Variants in ACTR3C observed in about 807,000 individuals in gnomAD.
ACTR3C encodes the protein actin related protein 3C, also known as actin-related protein 3C.
ACTR3C carries 18 observed loss-of-function variants against 26.3 expected under a neutral mutation model. The ratio of observed to expected loss-of-function variants is 0.68; its 90% CI spans 0.47 to 1.01. The LOEUF is 1.01. Ranked by LOEUF, ACTR3C falls within the 50% of genes least tolerant of loss-of-function variation. The pLI, the probability that ACTR3C is intolerant of heterozygous loss-of-function variation, is 0.00. For missense variants in ACTR3C, 184 were observed against 250.7 expected, an observed-to-expected ratio of 0.73 and a Z score of 1.80; for synonymous variants, 55 against 94.5, an observed-to-expected ratio of 0.58 and a Z score of 2.42.
chr7:150,295,287 A>T lies in ACTR3C; in HGVS notation c.10T>A (p.Ser4Thr), dbSNP rs781654428. Residue 4 changes from serine (S) to threonine (T), a missense_variant, in exon 2 of 8, where the codon TCA (serine) becomes ACA (threonine). Coordinates refer to ENST00000683684, the MANE Select transcript of ACTR3C (RefSeq NM_001164458.2). Reference sequence around the variant, plus strand: ...ATGTAGAGTCCTGGAACGTTAAATGATTCGAACATAATTTCTGCAAGATAC... The same window carrying T: ...ATGTAGAGTCCTGGAACGTTAAATGTTTCGAACATAATTTCTGCAAGATAC... MFE[S>T]FNVPGLYIAV... 6.2e-7 allele frequency: 1 copy of T among 1,614,040 alleles called. No homozygotes were observed. The highest frequency in any genetic ancestry group is 1.1e-5 in the South Asian group (1 of 91,078).
At chr7:150,122,649 A>C in the ACTR3C span, among the ~76,000 whole-genome samples, 2 of 152,242 alleles carry the variant, frequency 1.3e-5, no homozygotes, top group Non-Finnish European at 2.9e-5. Context: ...GGGAGTATAA[A>C]TTAGTTCAAC....
At chr7:150,047,693 C>T in the ACTR3C span, 4 of 1,103,330 alleles carry the variant, frequency 3.6e-6, no homozygotes, top group African/African-American at 5.2e-5. Flanking sequence ...CGCCGCGCTC[C>T]CGGGGCGCCG....
chr7:149,883,338 C>A, the ACTR3C span, among the ~76,000 whole-genome samples: 1 of 152,262 alleles, frequency 6.6e-6, no homozygotes, highest in Non-Finnish European at 1.5e-5. Flanking sequence ...ACCCGTGCCC[C>A]CAACACCATC....
At chr7:150,146,714 C>G in the ACTR3C span, among the ~76,000 whole-genome samples, 2 of 152,142 alleles carry the variant, frequency 1.3e-5, no homozygotes, top group Non-Finnish European at 2.9e-5. Context: ...CTCTCCCATT[C>G]TAAAGTTGGA....
the ACTR3C span, among the ~76,000 whole-genome samples, chr7:150,026,601 G>T: frequency 6.6e-6 from 1 of 151,996 alleles, no homozygotes; most frequent in South Asian, 2.1e-4. Context: ...ACCAAATGAT[G>T]TGAAGAATTA....
chr7:150,019,379 G>A, the ACTR3C span, among the ~76,000 whole-genome samples: 2 of 149,796 alleles, frequency 1.3e-5, no homozygotes, highest in South Asian at 4.2e-4. Flanking sequence ...AGATCATGAG[G>A]TCAAGAGATC....
At chr7:149,996,582 A>AAAT in the ACTR3C span, among the ~76,000 whole-genome samples, 12 of 148,902 alleles carry the variant, frequency 8.1e-5, no homozygotes, top group African/African-American at 3.0e-4. Context: ...TTCTGGTAAA[A>AAAT]AAATAAATAA....
the ACTR3C span, among the ~76,000 whole-genome samples, chr7:149,896,518 A>T: frequency 6.6e-6 from 1 of 152,066 alleles, no homozygotes; most frequent in Non-Finnish European, 1.5e-5. Context: ...CAAATTTGTG[A>T]CTGGCGGAAC....
the ACTR3C span, among the ~76,000 whole-genome samples, chr7:150,113,576 A>G: frequency 1.3e-5 from 2 of 152,234 alleles, no homozygotes; most frequent in African/African-American, 4.8e-5. Flanking sequence ...ACATTTACAA[A>G]CAATGACACC....
chr7:149,896,635 A>G, the ACTR3C span, among the ~76,000 whole-genome samples: 3 of 151,786 alleles, frequency 2.0e-5, no homozygotes, highest in African/African-American at 7.3e-5. Flanking sequence ...AGAAATAATC[A>G]TTGAGTAAAT....
chr7:150,074,302 A>G, the ACTR3C span: 2 of 152,102 alleles, frequency 1.3e-5, no homozygotes, highest in Admixed American at 1.3e-4. Context: ...CTGTTCTGAT[A>G]TATTACAGCA....
At chr7:150,163,725 A>G in the ACTR3C span, among the ~76,000 whole-genome samples, 1 of 152,150 alleles carries the variant, frequency 6.6e-6, no homozygotes, top group African/African-American at 2.4e-5. Context: ...TCCGAGTCCA[A>G]GGGCCAGAGA....
At chr7:150,124,077 T>C in the ACTR3C span, among the ~76,000 whole-genome samples, 3 of 152,148 alleles carry the variant, frequency 2.0e-5, no homozygotes, top group Non-Finnish European at 4.4e-5. Flanking sequence ...CACTCCCTCC[T>C]TTTATGTCAG....
At chr7:150,223,884 G>A in the ACTR3C span, among the ~76,000 whole-genome samples, 2 of 152,188 alleles carry the variant, frequency 1.3e-5, no homozygotes, top group African/African-American at 4.8e-5. Context: ...CTCATCAGAA[G>A]GCTCTACTAG....
the ACTR3C span, among the ~76,000 whole-genome samples, chr7:149,908,445 G>A: frequency 1.3e-5 from 2 of 152,066 alleles, no homozygotes; most frequent in Non-Finnish European, 2.9e-5. Flanking sequence ...GAACCGGAAT[G>A]AGGTTACTTA....
At chr7:149,912,010 G>GAAA in the ACTR3C span, among the ~76,000 whole-genome samples, 1,061 of 128,328 alleles carry the variant, frequency 8.3e-3, 15 homozygotes, top group East Asian at 0.048. Context: ...ACCCTGTCTC[G>GAAA]AAAAAAAAAA....
At chr7:150,176,820 G>A in the ACTR3C span, among the ~76,000 whole-genome samples, 1 of 150,764 alleles carries the variant, frequency 6.6e-6, no homozygotes, top group Non-Finnish European at 1.5e-5. Context: ...TAATAAAGAT[G>A]CTTTTAAAAA....
At chr7:150,229,856 G>T in the ACTR3C span, among the ~76,000 whole-genome samples, 8,068 of 150,294 alleles carry the variant, frequency 0.054, 404 homozygotes, top group African/African-American at 0.13. Context: ...AATTCCACTT[G>T]CTGCTCTTTC....
At chr7:150,045,434 C>A in the ACTR3C span, among the ~76,000 whole-genome samples, 5 of 152,254 alleles carry the variant, frequency 3.3e-5, no homozygotes, top group African/African-American at 1.2e-4. Flanking sequence ...ATGTGCAATG[C>A]ATTTTGCAGA....
Sources: gnomAD v4.1 joint callset for allele counts (sites outside exome capture counted in the v4.1 genomes callset) on GRCh38, gnomAD v4.1.1 for gene constraint, MANE v1.5 for transcripts, NCBI Gene and HGNC (gene_info 2026-07-23, HGNC 2026-07-21) for gene names.